Variants in RSBN1L observed in about 807,000 individuals in gnomAD.
The protein encoded by RSBN1L is lysine-specific demethylase RSBN1L.
RSBN1L carries 30 observed loss-of-function variants against 67.7 expected under a neutral mutation model. That is an observed-to-expected ratio of 0.44 (90% CI 0.33 to 0.60). RSBN1L has a LOEUF of 0.60. RSBN1L is among the 20% of genes least tolerant of loss of function. The pLI, the probability that RSBN1L is intolerant of heterozygous loss-of-function variation, is 0.02. For missense variants in RSBN1L, 992 were observed against 1,031.7 expected, an observed-to-expected ratio of 0.96 and a Z score of 0.53; for synonymous variants, 433 against 387.0, an observed-to-expected ratio of 1.12 and a Z score of -1.39.
rs200513979 is a variant in RSBN1L, at chr7:77,759,357, A to G, written c.1345-6138A>G. Among the ~76,000 whole-genome samples the G allele has an allele frequency of 3.9e-5, 6 of 152,330 alleles. No homozygotes were observed. In the East Asian group the frequency reaches 1.2e-3, roughly 29 times the overall value. On this transcript the variant is annotated intron_variant, in intron 3 of 7. Transcript: ENST00000334955. ...TTTCCCCCTTTATTTTACTAATTTT[A>G]AAATGGATAATACTTTCGTTCTTAT...
intron 2 of RSBN1L, among the ~76,000 whole-genome samples, chr7:77,748,447 G>C (rs576607453): frequency 3.5e-4 from 54 of 152,130 alleles, no homozygotes; most frequent in Non-Finnish European, 6.9e-4. Flanking sequence ...GAATGATAAG[G>C]TGGTAAAGGA....
At chr7:77,702,217 T>G (rs1020501734) in intron 1 of RSBN1L, among the ~76,000 whole-genome samples, 1 of 152,114 alleles carries the variant, frequency 6.6e-6, no homozygotes, top group Non-Finnish European at 1.5e-5. Context: ...CCACCCGCCT[T>G]GGCCTCCCAA....
In RSBN1L at chr7:77,725,244, C is replaced by A. The variant is rs113218562; in HGVS notation, c.587-11166C>A. ...TTCTTCCCTAGGGATAAGCCCCCCA[C>A]TTTTTTTTTTTTTTTTTTTTTGAGA... On this transcript the variant is annotated intron_variant, in intron 1 of 7. Transcript: ENST00000334955. Among the ~76,000 whole-genome samples, 147 of 73,620 alleles carry A rather than the reference C, an allele frequency of 2.0e-3. 1 individual carries two copies. The highest frequency in any genetic ancestry group is 9.4e-3 in the African/African-American group (141 of 14,930). The allele number at this position is 73,620 out of a possible 152,430, so 48.3% of individuals were successfully genotyped here.
chr7:77,706,394 GA>G (rs1790892900), intron 1 of RSBN1L, among the ~76,000 whole-genome samples: 1 of 151,956 alleles, frequency 6.6e-6, no homozygotes, highest in African/African-American at 2.4e-5. Flanking sequence ...ATTTTTAATA[GA>G]AACAGGGTTT....
At chr7:77,701,252 T>C (rs1584271337) in intron 1 of RSBN1L, among the ~76,000 whole-genome samples, 1 of 152,124 alleles carries the variant, frequency 6.6e-6, no homozygotes, top group African/African-American at 2.4e-5. Flanking sequence ...GTTTCCTCTT[T>C]AGGCCTGCTG....
intron 1 of RSBN1L, among the ~76,000 whole-genome samples, chr7:77,735,911 A>G (rs1271802492): frequency 6.6e-6 from 1 of 152,104 alleles, no homozygotes; most frequent in East Asian, 1.9e-4. Context: ...GGGAACCAAC[A>G]TCTAGTCTTA....
intron 3 of RSBN1L, among the ~76,000 whole-genome samples, chr7:77,752,559 C>G (rs2150426923): frequency 6.6e-6 from 1 of 152,274 alleles, no homozygotes; most frequent in South Asian, 2.1e-4. Context: ...TTGCACAGTT[C>G]TATTTCTCAT....
intron 3 of RSBN1L, chr7:77,759,870 C>T (rs909961663): frequency 9.2e-5 from 14 of 152,140 alleles, no homozygotes; most frequent in Admixed American, 7.2e-4. Context: ...CAGTGAGACT[C>T]CTCAGAAACT....
chr7:77,722,033 G>A (rs1791126591), intron 1 of RSBN1L, among the ~76,000 whole-genome samples: 1 of 152,152 alleles, frequency 6.6e-6, no homozygotes. Flanking sequence ...CTGGTCAAGT[G>A]ATTTAGTGTT....
chr7:77,719,472 G>A (rs1479443370), intron 1 of RSBN1L, among the ~76,000 whole-genome samples: 2 of 152,064 alleles, frequency 1.3e-5, no homozygotes, highest in Admixed American at 6.6e-5. Context: ...TGGACTTAGA[G>A]GTCTAAGAAT....
At chr7:77,742,496 C>T (rs931320219) in intron 2 of RSBN1L, among the ~76,000 whole-genome samples, 2 of 152,112 alleles carry the variant, frequency 1.3e-5, no homozygotes, top group African/African-American at 2.4e-5. Context: ...TTGCCTACCA[C>T]AAACTAAAAT....
intron 1 of RSBN1L, among the ~76,000 whole-genome samples, chr7:77,701,824 T>C (rs1288078280): frequency 6.6e-6 from 1 of 151,804 alleles, no homozygotes; most frequent in Non-Finnish European, 1.5e-5. Context: ...GCTAATTTTT[T>C]GTATTTTTAG....
chr7:77,744,066 C>T (rs772894928), intron 2 of RSBN1L, among the ~76,000 whole-genome samples: 1 of 151,606 alleles, frequency 6.6e-6, no homozygotes, highest in Non-Finnish European at 1.5e-5. Flanking sequence ...ATTTTTTTCT[C>T]TGTTGCCTTG....
At chr7:77,761,346 A>T (rs530926414) in intron 3 of RSBN1L, among the ~76,000 whole-genome samples, 21 of 152,336 alleles carry the variant, frequency 1.4e-4, no homozygotes, top group African/African-American at 4.8e-4. Flanking sequence ...GGTAAGAAGA[A>T]GAACTTTTAT....
chr7:77,714,348 TTC>T (rs1471850766), intron 1 of RSBN1L, among the ~76,000 whole-genome samples: 1 of 152,204 alleles, frequency 6.6e-6, no homozygotes, highest in Non-Finnish European at 1.5e-5. Context: ...CCGCAGAAAG[TTC>T]TCTCTTGCTA....
rs560644761 is a variant in RSBN1L at position 77,722,475 on chromosome 7, G to A, written c.587-13935G>A. On this transcript the variant is annotated intron_variant, in intron 1 of 7. Coordinates refer to ENST00000334955, the MANE Select transcript of RSBN1L (RefSeq NM_198467.3). ...ACTGTTATGTTGCAGTGAGGTCCAC[G>A]GAAAAAAGGGCTGAGAAGCCACTGG... Among the ~76,000 whole-genome samples the A allele has an allele frequency of 7.2e-5, 11 of 152,190 alleles. No individual in the cohort carries two copies. In the South Asian group the frequency reaches 1.0e-3, roughly 14 times the overall value.
At position 77,780,470 on chromosome 7, in the gene RSBN1L, G is replaced by A. The variant is rs1363430956; in HGVS notation, c.*1302G>A. The A allele has an allele frequency of 6.6e-6, 1 of 152,056 alleles. No individual in the cohort carries two copies. Among genetic ancestry groups the A allele is most frequent in the African/African-American group, 2.4e-5 (1 of 41,402 alleles). The allele number at this position is 152,056 out of a possible 1,614,324, so 9.4% of individuals were successfully genotyped here. On this transcript the variant is annotated 3_prime_UTR_variant, in exon 8 of 8. Transcript: ENST00000334955. ...TTTATTGTGTATGGGATGATAAGAA[G>A]TTTAGAGAATTTTCTTACTAGTAAG... is the stretch of plus-strand genomic sequence containing the variant.
At chr7:77,741,517 C>T (rs1056623919) in intron 2 of RSBN1L, among the ~76,000 whole-genome samples, 2 of 151,406 alleles carry the variant, frequency 1.3e-5, no homozygotes, top group African/African-American at 4.8e-5. Context: ...TGGTGAAACC[C>T]TGTCTCTACT....
chr7:77,707,054 C>T (rs938060005), intron 1 of RSBN1L, among the ~76,000 whole-genome samples: 4 of 144,582 alleles, frequency 2.8e-5, no homozygotes, highest in African/African-American at 7.8e-5. Context: ...AACAGAGTCT[C>T]ACTCTGTCAC....
Sources: gnomAD v4.1 joint callset for allele counts (sites outside exome capture counted in the v4.1 genomes callset) on GRCh38, gnomAD v4.1.1 for gene constraint, MANE v1.5 for transcripts, NCBI Gene and HGNC (gene_info 2026-07-23, HGNC 2026-07-21) for gene names.